KCNQ2: variants seen among roughly 807,000 people sequenced by gnomAD.
KCNQ2 encodes potassium voltage-gated channel subfamily Q member 2.
A neutral mutation model predicts 84.8 loss-of-function variants in KCNQ2; 14 were observed. The ratio of observed to expected loss-of-function variants is 0.17; its 90% confidence interval spans 0.11 to 0.26. KCNQ2 has a LOEUF of 0.26. KCNQ2 is among the 10% of genes least tolerant of loss of function. The probability of loss-of-function intolerance (pLI) is 1.00; values close to 1 mark genes in which losing one functional copy is unlikely to be tolerated. For missense variants in KCNQ2, 788 were observed against 1,254.0 expected (o/e 0.63, Z 5.61); for synonymous variants, 599 against 554.1 (o/e 1.08, Z -1.14).
At chr20:63,419,169 G>A (rs2080391257) in intron 12 of KCNQ2, among the ~76,000 whole-genome samples, 1 of 152,214 alleles carries the variant, frequency 6.6e-6, no homozygotes, top group Non-Finnish European at 1.5e-5. Context: ...GCTTTCTGGG[G>A]CTTCTGATGC....
chr20:63,443,016 C>T (rs369650702), intron 4 of KCNQ2, among the ~76,000 whole-genome samples: 11 of 68,836 alleles, frequency 1.6e-4, no homozygotes, highest in East Asian at 5.7e-4. Context: ...ATCACCATCA[C>T]CACCACCATC....
chr20:63,429,308 C>T (rs1162322994), intron 9 of KCNQ2, among the ~76,000 whole-genome samples: 4 of 151,990 alleles, frequency 2.6e-5, no homozygotes, highest in East Asian at 1.9e-4. Flanking sequence ...CCCTCCACTC[C>T]GCCTCCTCAG....
In KCNQ2 at chr20:63,438,480, G is replaced by C. The variant is rs2081067976; in HGVS notation, c.1023+145C>G. 2 of 742,992 alleles carry C rather than the reference G, an allele frequency of 2.7e-6. No individual in the cohort carries two copies. Among genetic ancestry groups the C allele is most frequent in the Admixed American group, 2.0e-5 (1 of 50,808 alleles). The allele number at this position is 742,992 out of a possible 1,614,324, so 46.0% of individuals were successfully genotyped here. ...CTCAACACACACACTTCACATCCTC[G>C]CTCCTTCCACAGATTCCTGCAGAGG... On this transcript the variant is annotated intron_variant, in intron 7 of 16. Coordinates refer to ENST00000359125, the MANE Select transcript of KCNQ2 (RefSeq NM_172107.4). The surrounding 1 kb of genome is among the most constrained non-coding windows in gnomAD (Gnocchi z 5.1).
rs968803576 is a variant in KCNQ2, at chr20:63,446,761, C to A, written c.373G>T (p.Ala125Ser). The change falls in exon 2 of 17, where the codon GCC (alanine) becomes TCC (serine). Residue 125 changes from alanine (A) to serine (S), a missense_variant. By Grantham distance (99) the Ala-to-Ser change is moderately conservative. Transcript: ENST00000359125. This position sits in a 1 kb window ranked among gnomAD's most constrained non-coding sequence, Gnocchi z 5.5. Reference protein sequence around the residue: ...IKEYEKSSEGALYILEIVTIV... With the variant: ...IKEYEKSSEGSLYILEIVTIV... ...TCGGGGCTCACCAGGATGTAGAGGG[C>A]CCCCTCCGAGCTCTTCTCATACTCC... is the stretch of plus-strand genomic sequence containing the variant. 6.2e-7 allele frequency: 1 copy of A among 1,613,294 alleles called. No individual in the cohort carries two copies. The highest frequency in any genetic ancestry group is 8.5e-7 in the Non-Finnish European group (1 of 1,179,786).
intron 11 of KCNQ2, among the ~76,000 whole-genome samples, chr20:63,421,384 C>T (rs931003325): frequency 6.6e-6 from 1 of 152,194 alleles, no homozygotes; most frequent in South Asian, 2.1e-4. Context: ...GTCTGAGAGC[C>T]GGGGAGAGCT....
rs558239785 is a variant in KCNQ2 at position 63,444,218 on chromosome 20, T to C, written c.690+441A>G. On this transcript the variant is annotated intron_variant, in intron 4 of 16. Transcript: ENST00000359125. ...GGCCTGGGGCCCCTGGAACTCAGCA[T>C]GTGTGGCCACAGCCACCCTCTGGGT... Among the ~76,000 whole-genome samples, 80 of 152,296 alleles carry C rather than the reference T, an allele frequency of 5.3e-4. No individual in the cohort carries two copies. In the South Asian group the frequency reaches 9.1e-3, roughly 17 times the overall value.
At chr20:63,461,245 GC>G (rs1033999835) in intron 1 of KCNQ2, among the ~76,000 whole-genome samples, 1 of 152,160 alleles carries the variant, frequency 6.6e-6, no homozygotes, top group Non-Finnish European at 1.5e-5. Flanking sequence ...TCAGGCCAAG[GC>G]CCCCCCAACT....
chr20:63,457,505 C>T (rs917941511), intron 1 of KCNQ2, among the ~76,000 whole-genome samples: 1 of 152,270 alleles, frequency 6.6e-6, no homozygotes, highest in African/African-American at 2.4e-5. Context: ...CTGCACCCAC[C>T]TGGCACCTAC....
chr20:63,441,045 G>A (rs1176683191), intron 5 of KCNQ2, among the ~76,000 whole-genome samples: 2 of 13,420 alleles, frequency 1.5e-4, no homozygotes, highest in African/African-American at 5.9e-4. Flanking sequence ...CCGGCTCACT[G>A]CAAGCTCCGC....
At position 63,406,034 on chromosome 20, in the gene KCNQ2, G is replaced by A. The variant is rs1453832687; in HGVS notation, c.*610C>T. ...CCATGGAAAGAGCCCTCAGATCCCA[G>A]AAGGTACAGGGAGAAGACGCCAACC... On this transcript the variant is annotated 3_prime_UTR_variant, in exon 17 of 17. Coordinates refer to ENST00000359125, the MANE Select transcript of KCNQ2 (RefSeq NM_172107.4). 6.6e-6 allele frequency: 1 copy of A among 152,320 alleles called. No homozygotes were observed. Among genetic ancestry groups the A allele is most frequent in the East Asian group, 1.9e-4 (1 of 5,196 alleles). 9.4% of individuals were successfully genotyped at this position (152,320 alleles called of 1,614,324 possible).
At chr20:63,469,744 C>T (rs1213207691) in intron 1 of KCNQ2, among the ~76,000 whole-genome samples, 4 of 152,260 alleles carry the variant, frequency 2.6e-5, no homozygotes, top group African/African-American at 7.2e-5. Context: ...GCTCCGTCTC[C>T]GTTTAGCTGA....
At chr20:63,443,761 G>A (rs943842853) in intron 4 of KCNQ2, 2 of 152,306 alleles carry the variant, frequency 1.3e-5, no homozygotes, top group South Asian at 2.1e-4. Flanking sequence ...GGCTGGCACA[G>A]GGGAACCAGG....
At position 63,401,891 on chromosome 20, in the gene KCNQ2, G is replaced by A. The variant is rs537741207; in HGVS notation, c.*4753C>T. 155 of 170,872 alleles carry A rather than the reference G, an allele frequency of 9.1e-4. No homozygotes were observed. The highest frequency in any genetic ancestry group is 5.2e-3 in the Middle Eastern group (2 of 386). The allele number at this position is 170,872 out of a possible 1,614,324, so 10.6% of individuals were successfully genotyped here. A position where few individuals can be genotyped will look rare whatever the true frequency, so the allele number is the denominator to read the frequency against. On this transcript the variant is annotated 3_prime_UTR_variant, in exon 17 of 17. Coordinates refer to ENST00000359125, the MANE Select transcript of KCNQ2 (RefSeq NM_172107.4). ...GAACCGTCCCTCTCACACGTCTGCC[G>A]GGCACCCTCCACCAGGTCCAAGCCT...
At chr20:63,447,465 CAT>C in intron 1 of KCNQ2, 1 of 154,104 alleles carries the variant, frequency 6.5e-6, no homozygotes, top group Admixed American at 6.4e-5. Flanking sequence ...TGACTTCCAC[CAT>C]GATTGCTCTT....
chr20:63,422,050 G>A (rs1431308993), intron 11 of KCNQ2, among the ~76,000 whole-genome samples: 1 of 152,146 alleles, frequency 6.6e-6, no homozygotes, highest in African/African-American at 2.4e-5. Flanking sequence ...CCATCCACCT[G>A]CCAAGACCAG....
chr20:63,430,536 T>G (rs991433253), intron 9 of KCNQ2, among the ~76,000 whole-genome samples: 11 of 152,042 alleles, frequency 7.2e-5, no homozygotes, highest in Non-Finnish European at 1.6e-4. Context: ...CTGGTCTATG[T>G]GGGGAGTGGC....
chr20:63,464,848 C>T (rs976954394), intron 1 of KCNQ2, among the ~76,000 whole-genome samples: 1 of 152,234 alleles, frequency 6.6e-6, no homozygotes. Flanking sequence ...GAGGGGGTCT[C>T]CCCTGTCCTT....
At position 63,446,812 on chromosome 20, in the gene KCNQ2, C is replaced by T. The variant is rs749164961; in HGVS notation, c.322G>A (p.Val108Met). The T allele has an allele frequency of 8.1e-6, 13 of 1,613,406 alleles. No homozygotes were observed. The highest frequency in any genetic ancestry group is 1.1e-5 in the Non-Finnish European group (13 of 1,179,976). The change falls in exon 2 of 17, where the codon GTG (valine) becomes ATG (methionine). Residue 108 changes from valine to methionine, a missense_variant. Around this residue, in one of 8 missense-constraint regions of KCNQ2, gnomAD observed 106 missense variants for 214.8 expected, o/e 0.49. Coordinates refer to ENST00000359125, the MANE Select transcript of KCNQ2 (RefSeq NM_172107.4). The surrounding 1 kb of genome is among the most constrained non-coding windows in gnomAD (Gnocchi z 5.5). ...YVFLLVFSCL[V>M]LSVFSTIKEY... is the part of the protein sequence containing the mutation. ...TTGATGGTGGAAAACACAGACAGCA[C>T]GAGGCAGGAGAAAACCAGGAGGAAC...
intron 10 of KCNQ2, 114 bp downstream of exon 10, chr20:63,428,253 G>C (rs187837819): frequency 1.3e-6 from 1 of 787,632 alleles, no homozygotes; most frequent in African/African-American, 1.7e-5. Context: ...GTCCCCGCGC[G>C]TCCCAGCTCC....
Sources: gnomAD v4.1 joint callset for allele counts (sites outside exome capture counted in the v4.1 genomes callset) on GRCh38, gnomAD v4.1.1 for gene constraint, gnomAD v4.1.1 regional missense constraint, Gnocchi (gnomAD v3.1) non-coding constraint, MANE v1.5 for transcripts, NCBI Gene and HGNC (gene_info 2026-07-23, HGNC 2026-07-21) for gene names.